The following SNX29 variants were observed in gnomAD, a reference collection of about 807,000 sequenced individuals.
The protein encoded by SNX29 is sorting nexin 29.
A neutral mutation model predicts 102.1 loss-of-function variants in SNX29; 78 were observed. The ratio of observed to expected loss-of-function variants is 0.76; its 90% CI spans 0.64 to 0.92. SNX29 has a LOEUF of 0.92. SNX29 is among the 40% of genes least tolerant of loss of function. SNX29 has a pLI of 0.00. For synonymous variants in SNX29, 580 were observed against 414.5 expected, an observed-to-expected ratio of 1.40 and a Z score of -4.85; for missense variants, 1,280 against 1,061.7, an observed-to-expected ratio of 1.21 and a Z score of -2.86.
intron 1 of SNX29, chr16:11,983,644 T>A (rs2055480184): frequency 1.0e-6 from 1 of 985,314 alleles, no homozygotes; most frequent in African/African-American, 1.7e-5. Context: ...CCACCTCTGC[T>A]AGCAACTGGC....
intron 9 of SNX29, among the ~76,000 whole-genome samples, chr16:12,063,341 C>CCCA (rs2050859308): frequency 7.2e-6 from 1 of 138,004 alleles, no homozygotes; most frequent in African/African-American, 2.6e-5. Context: ...TGGGGGTCTG[C>CCCA]CCACCTCTTC....
At chr16:12,549,943 A>T (rs908216283) in intron 20 of SNX29, among the ~76,000 whole-genome samples, 1 of 149,578 alleles carries the variant, frequency 6.7e-6, no homozygotes, top group Non-Finnish European at 1.5e-5. Context: ...TGTTTTTTAT[A>T]AGTAAAGTTT....
intron 11 of SNX29, among the ~76,000 whole-genome samples, chr16:12,079,321 G>A (rs892697881): frequency 1.3e-5 from 2 of 152,214 alleles, no homozygotes; most frequent in Non-Finnish European, 2.9e-5. Context: ...GGCTTCAACT[G>A]TTTCCAACTT....
chr16:12,512,418 A>ATATATATAT (rs1555559124), intron 19 of SNX29, among the ~76,000 whole-genome samples: 7 of 60,998 alleles, frequency 1.1e-4, no homozygotes, highest in African/African-American at 4.3e-4. Flanking sequence ...ATATATATAT[A>ATATATATAT]GTTTTCGGTT....
chr16:12,561,960 G>T (rs1456367023), intron 20 of SNX29, among the ~76,000 whole-genome samples: 4 of 152,118 alleles, frequency 2.6e-5, no homozygotes, highest in Non-Finnish European at 5.9e-5. Flanking sequence ...CTGGGGGCAT[G>T]ATGTCCCCAG....
intron 15 of SNX29, among the ~76,000 whole-genome samples, chr16:12,322,231 C>T (rs371328995): frequency 6.6e-6 from 1 of 152,142 alleles, no homozygotes; most frequent in Non-Finnish European, 1.5e-5. Flanking sequence ...GGAGAACTCC[C>T]TGAGTGGCCT....
chr16:12,108,454 G>T (rs1457869372), intron 11 of SNX29, among the ~76,000 whole-genome samples: 2 of 152,236 alleles, frequency 1.3e-5, no homozygotes, highest in African/African-American at 4.8e-5. Context: ...GCACCTGGAG[G>T]CTGGTTCTGG....
At chr16:12,249,788 C>T (rs191361295) in intron 14 of SNX29, among the ~76,000 whole-genome samples, 22 of 152,330 alleles carry the variant, frequency 1.4e-4, no homozygotes, top group African/African-American at 3.6e-4. Context: ...ACACTGTATA[C>T]GCTACTGGGT....
intron 20 of SNX29, among the ~76,000 whole-genome samples, chr16:12,566,640 A>G (rs2079023079): frequency 6.6e-6 from 1 of 152,230 alleles, no homozygotes; most frequent in African/African-American, 2.4e-5. Context: ...ACCTCCTTCC[A>G]GCATCTTTGA....
At chr16:12,496,677 AT>A in intron 19 of SNX29, among the ~76,000 whole-genome samples, 1 of 151,778 alleles carries the variant, frequency 6.6e-6, no homozygotes, top group Non-Finnish European at 1.5e-5. Flanking sequence ...TGCCTGGCTA[AT>A]TTTTGTATTT....
chr16:12,506,075 C>G (rs895409456), intron 19 of SNX29, among the ~76,000 whole-genome samples: 13 of 152,212 alleles, frequency 8.5e-5, no homozygotes, highest in African/African-American at 2.9e-4. Flanking sequence ...ATTCTCATGC[C>G]TCAGCCTTCT....
chr16:12,560,216 A>G (rs1392525181), intron 20 of SNX29, among the ~76,000 whole-genome samples: 1 of 150,164 alleles, frequency 6.7e-6, no homozygotes, highest in African/African-American at 2.5e-5. Context: ...GAGCAACTAC[A>G]CAGCCAGAGC....
chr16:12,211,333 A>G (rs555151676), intron 14 of SNX29, among the ~76,000 whole-genome samples: 15 of 152,306 alleles, frequency 9.8e-5, no homozygotes, highest in African/African-American at 3.6e-4. Context: ...GTAACCATCT[A>G]GAGAAATCCC....
intron 11 of SNX29, chr16:12,089,818 A>G (rs1463545452): frequency 1.0e-5 from 4 of 390,912 alleles, no homozygotes; most frequent in South Asian, 7.5e-5. Flanking sequence ...CGCAGAGCAC[A>G]CTCAGCAGTG....
intron 14 of SNX29, among the ~76,000 whole-genome samples, chr16:12,270,622 T>C (rs2079062107): frequency 6.6e-6 from 1 of 152,220 alleles, no homozygotes; most frequent in Non-Finnish European, 1.5e-5. Flanking sequence ...TTAATCCTTA[T>C]GCTGTGGAGC....
intron 19 of SNX29, among the ~76,000 whole-genome samples, chr16:12,483,734 G>A (rs2088088771): frequency 6.6e-6 from 1 of 152,184 alleles, no homozygotes; most frequent in African/African-American, 2.4e-5. Flanking sequence ...TCCATCGTGG[G>A]TTGGCTCTGG....
chr16:12,270,346 T>C (rs1240174019), intron 14 of SNX29, among the ~76,000 whole-genome samples: 1 of 152,174 alleles, frequency 6.6e-6, no homozygotes, highest in Non-Finnish European at 1.5e-5. Flanking sequence ...TGTAGAATGG[T>C]GTTGTCATCT....
intron 13 of SNX29, among the ~76,000 whole-genome samples, chr16:12,139,293 A>C (rs1020091372): frequency 6.0e-5 from 9 of 149,802 alleles, no homozygotes; most frequent in African/African-American, 2.2e-4. Context: ...GATACGCTTC[A>C]TGGGAGTAGG....
intron 14 of SNX29, among the ~76,000 whole-genome samples, chr16:12,216,200 A>G (rs1231156384): frequency 6.6e-6 from 1 of 152,268 alleles, no homozygotes; most frequent in African/African-American, 2.4e-5. Context: ...AGAAAATAAA[A>G]TATCATTGAT....
Sources: allele counts gnomAD v4.1 joint callset (sites outside exome capture counted in the v4.1 genomes callset), GRCh38; gene constraint gnomAD v4.1.1; transcripts MANE v1.5; gene names NCBI Gene and HGNC (gene_info 2026-07-23, HGNC 2026-07-21).